FRMD4A: variants seen among roughly 807,000 people sequenced by gnomAD.
The protein encoded by FRMD4A is FERM domain containing 4A, also known as FERM domain-containing protein 4A.
A neutral mutation model predicts 129.1 loss-of-function variants in FRMD4A; 29 were observed. The ratio of observed to expected loss-of-function variants is 0.22; its 90% CI spans 0.17 to 0.31. The LOEUF is 0.31. Among genes scored for constraint, FRMD4A ranks in the 10% least tolerant of loss-of-function variants. FRMD4A has a pLI of 1.00. For synonymous variants in FRMD4A, 634 were observed against 571.6 expected (o/e 1.11, Z -1.56); for missense variants, 1,272 against 1,375.8 (o/e 0.92, Z 1.19).
At chr10:13,703,139 T>C (rs967747307) in intron 13 of FRMD4A, among the ~76,000 whole-genome samples, 5 of 152,044 alleles carry the variant, frequency 3.3e-5, no homozygotes, top group African/African-American at 1.2e-4. Flanking sequence ...ACAAGAACAG[T>C]ATCTTGAAAG....
At chr10:13,991,645 T>C (rs990553467) in intron 2 of FRMD4A, among the ~76,000 whole-genome samples, 12 of 152,238 alleles carry the variant, frequency 7.9e-5, no homozygotes, top group African/African-American at 2.9e-4. Context: ...TGAAGCATTT[T>C]TGATACACCT....
Position 13,978,508 on chromosome 10 carries a change from G to GA in FRMD4A, c.46-119597dup, listed in dbSNP as rs200569217. Among the ~76,000 whole-genome samples the GA allele has an allele frequency of 9.8e-3, 1,474 of 150,430 alleles. 23 individuals carry two copies. Among genetic ancestry groups the GA allele is most frequent in the African/African-American group, 0.033 (1,353 of 40,970 alleles). ...TTCTAATCCGGGTTCCACTTCCTTG[G>GA]AAAAAAAAATGCTATTTAGAAATAG... On this transcript the variant is annotated intron_variant, in intron 2 of 24. Coordinates refer to ENST00000357447, the MANE Select transcript of FRMD4A (RefSeq NM_018027.5).
At chr10:14,226,147 G>A (rs1375955852) in intron 2 of FRMD4A, among the ~76,000 whole-genome samples, 1 of 152,060 alleles carries the variant, frequency 6.6e-6, no homozygotes. Flanking sequence ...TTAAGTTCTT[G>A]ATACATATGC....
intron 2 of FRMD4A, among the ~76,000 whole-genome samples, chr10:14,173,330 A>G (rs529413598): frequency 6.6e-6 from 1 of 152,092 alleles, no homozygotes; most frequent in Non-Finnish European, 1.5e-5. Flanking sequence ...CTTGAAAGTG[A>G]AAAAGCAAAC....
intron 2 of FRMD4A, among the ~76,000 whole-genome samples, chr10:13,943,676 A>G (rs1008654763): frequency 1.0e-4 from 12 of 119,336 alleles, no homozygotes; most frequent in Non-Finnish European, 1.9e-4. Context: ...AAAAAAAAAA[A>G]AAAGAAAAAG....
chr10:14,073,257 G>T (rs991390573), intron 2 of FRMD4A, among the ~76,000 whole-genome samples: 1 of 152,172 alleles, frequency 6.6e-6, no homozygotes, highest in Non-Finnish European at 1.5e-5. Flanking sequence ...AGTAGTGGGA[G>T]TGAGGGCGAG....
chr10:14,148,151 C>T (rs1194651999), intron 2 of FRMD4A, among the ~76,000 whole-genome samples: 1 of 152,130 alleles, frequency 6.6e-6, no homozygotes, highest in African/African-American at 2.4e-5. Flanking sequence ...TCAGACCCAC[C>T]ACCAAGCATT....
At chr10:13,967,644 GGTC>G (rs1358397831) in intron 2 of FRMD4A, among the ~76,000 whole-genome samples, 3 of 152,256 alleles carry the variant, frequency 2.0e-5, no homozygotes, top group Non-Finnish European at 2.9e-5. Flanking sequence ...CAGTCCTCAT[GGTC>G]GTCTTGTCAA....
intron 2 of FRMD4A, among the ~76,000 whole-genome samples, chr10:14,166,914 A>G (rs1213654340): frequency 6.6e-6 from 1 of 152,196 alleles, no homozygotes; most frequent in Non-Finnish European, 1.5e-5. Flanking sequence ...GTCAATAAAT[A>G]TGTATGAAGG....
At chr10:13,803,270 A>T (rs78623569) in intron 4 of FRMD4A, among the ~76,000 whole-genome samples, 10,854 of 152,200 alleles carry the variant, frequency 0.071, 458 homozygotes, top group African/African-American at 0.12. Flanking sequence ...TGGGCTCTCC[A>T]GCCCAGGATA....
chr10:13,749,296 C>T (rs2091450955), intron 8 of FRMD4A, among the ~76,000 whole-genome samples: 1 of 152,070 alleles, frequency 6.6e-6, no homozygotes, highest in Admixed American at 6.5e-5. Flanking sequence ...CAAATACTGG[C>T]CACCAGGACA....
chr10:14,060,308 A>G (rs924404172), intron 2 of FRMD4A, among the ~76,000 whole-genome samples: 1 of 152,228 alleles, frequency 6.6e-6, no homozygotes, highest in South Asian at 2.1e-4. Context: ...TTTGCTTCTT[A>G]CACAACCAGC....
intron 2 of FRMD4A, among the ~76,000 whole-genome samples, chr10:14,070,099 C>A (rs1165641768): frequency 5.3e-5 from 8 of 152,252 alleles, no homozygotes; most frequent in African/African-American, 1.9e-4. Flanking sequence ...TTTACCAGAG[C>A]TGCTCAGTGT....
At chr10:13,856,853 T>C (rs2094220483) in intron 3 of FRMD4A, among the ~76,000 whole-genome samples, 1 of 152,212 alleles carries the variant, frequency 6.6e-6, no homozygotes, top group Non-Finnish European at 1.5e-5. Context: ...ATTTGAGGTC[T>C]CATTTCCTAT....
chr10:13,663,362 C>CCTTT, intron 19 of FRMD4A, 91 bp downstream of exon 19: 1 of 774,678 alleles, frequency 1.3e-6, no homozygotes, highest in East Asian at 2.6e-5. Flanking sequence ...CTGGCTCTTG[C>CCTTT]CTTTACACAA....
chr10:14,329,938 G>T, intron 2 of FRMD4A, 120 bp downstream of exon 2: 1 of 887,742 alleles, frequency 1.1e-6, no homozygotes. Flanking sequence ...AAGAGCCTGC[G>T]GGATAAAGCG....
chr10:13,925,566 C>CTTTTGTTTTTTTTTTT (rs2095122692), intron 2 of FRMD4A, among the ~76,000 whole-genome samples: 1 of 61,938 alleles, frequency 1.6e-5, no homozygotes, highest in Non-Finnish European at 2.7e-5. Context: ...TAGTGAAACG[C>CTTTTGTTTTTTTTTTT]TTTTTTTTTT....
chr10:13,945,894 C>A (rs1394502637), intron 2 of FRMD4A, among the ~76,000 whole-genome samples: 1 of 152,130 alleles, frequency 6.6e-6, no homozygotes, highest in Non-Finnish European at 1.5e-5. Flanking sequence ...GAAGCCAGAC[C>A]AGGCCAGGGT....
rs146765533 is a variant in FRMD4A at position 14,211,134 on chromosome 10, G to A, written c.45+118924C>T. Among the ~76,000 whole-genome samples, 6 of 152,292 alleles carry A rather than the reference G, an allele frequency of 3.9e-5. No individual in the cohort carries two copies. The East Asian group carries it at 1.2e-3, about 29-fold the overall frequency. ...CCCATCTCACTTCCCTGGTATAACAGTACTAGTCAAATAAATTAATGTATA... is the reference window on the plus strand; with the variant it reads ...CCCATCTCACTTCCCTGGTATAACAATACTAGTCAAATAAATTAATGTATA... On this transcript the variant is annotated intron_variant, in intron 2 of 24. Coordinates refer to ENST00000357447, the MANE Select transcript of FRMD4A (RefSeq NM_018027.5).
Sources: gnomAD v4.1 joint callset for allele counts (sites outside exome capture counted in the v4.1 genomes callset) on GRCh38, gnomAD v4.1.1 for gene constraint, MANE v1.5 for transcripts, NCBI Gene and HGNC (gene_info 2026-07-23, HGNC 2026-07-21) for gene names.